ESRRG: variants seen among roughly 807,000 people sequenced by gnomAD.
ESRRG encodes estrogen-related receptor gamma.
Under a neutral mutation model 44.0 loss-of-function variants are expected in ESRRG, and 13 were observed. The observed-to-expected ratio is 0.30, with a 90% CI of 0.19 to 0.47. The LOEUF (loss-of-function observed/expected upper bound fraction) is 0.47, where lower values mean the gene tolerates loss of function less well. Ranked by LOEUF, ESRRG falls within the 20% of genes least tolerant of loss-of-function variation. The pLI is 1.00. For missense variants in ESRRG, 395 were observed against 580.6 expected, an observed-to-expected ratio of 0.68 and a Z score of 3.29; for synonymous variants, 215 against 214.6, an observed-to-expected ratio of 1.00 and a Z score of -0.02.
chr1:216,572,001 T>C (rs2060896555), intron 3 of ESRRG, among the ~76,000 whole-genome samples: 1 of 152,164 alleles, frequency 6.6e-6, no homozygotes. Flanking sequence ...TGATTTTTCA[T>C]CCCCTGTCAA....
chr1:216,509,839 C>G (rs2042204908), intron 6 of ESRRG, among the ~76,000 whole-genome samples: 1 of 152,200 alleles, frequency 6.6e-6, no homozygotes, highest in Admixed American at 6.5e-5. Flanking sequence ...AGCTGGCAGA[C>G]TGCTGAAGAA....
Position 216,505,814 on chromosome 1 carries a change from C to T in ESRRG, c.*1125G>A, listed in dbSNP as rs1435049663. On this transcript the variant is annotated 3_prime_UTR_variant, in exon 7 of 7. Coordinates refer to ENST00000408911, the MANE Select transcript of ESRRG (RefSeq NM_001438.4). Reference sequence around the variant, plus strand: ...TTGCATCCGTGATAATATGCACCTTCCCTTCAACTATTGCTTGAGTAAGTT... The same window carrying T: ...TTGCATCCGTGATAATATGCACCTTTCCTTCAACTATTGCTTGAGTAAGTT... The T allele has an allele frequency of 6.6e-6, 1 of 152,586 alleles. No homozygotes were observed. The highest frequency in any genetic ancestry group is 2.4e-5 in the African/African-American group (1 of 41,434). 9.5% of individuals were successfully genotyped at this position (152,586 alleles called of 1,614,324 possible). A position where few individuals can be genotyped will look rare whatever the true frequency, so the allele number is the denominator to read the frequency against.
chr1:217,064,781 C>T (rs969642285), intron 1 of ESRRG, among the ~76,000 whole-genome samples: 2 of 152,110 alleles, frequency 1.3e-5, no homozygotes. Context: ...ATATGGCTGT[C>T]CTCTGAATCA....
At chr1:216,741,280 T>C (rs2090678464) in intron 2 of ESRRG, among the ~76,000 whole-genome samples, 1 of 147,712 alleles carries the variant, frequency 6.8e-6, no homozygotes, top group Admixed American at 6.8e-5. Flanking sequence ...TATTATATAA[T>C]TTATATTTGT....
At position 216,598,068 on chromosome 1, in the gene ESRRG, G is replaced by A. The variant is rs369534038; in HGVS notation, c.590-29970C>T. On this transcript the variant is annotated intron_variant, in intron 3 of 6. Transcript: ENST00000408911. ...AAATGTATATTGTGGAACATTCACT[G>A]CCCTGAATACTTCATACATATTAAC... Among the ~76,000 whole-genome samples the A allele has an allele frequency of 3.9e-5, 6 of 152,122 alleles. No homozygotes were observed. In the East Asian group the frequency reaches 9.7e-4, roughly 24 times the overall value.
chr1:216,819,403 C>T (rs940438098), intron 2 of ESRRG, among the ~76,000 whole-genome samples: 3 of 152,222 alleles, frequency 2.0e-5, no homozygotes, highest in Non-Finnish European at 2.9e-5. Flanking sequence ...CTTTTTTAAG[C>T]GACTTTCTTT....
At chr1:217,022,090 C>T (rs1050246343) in intron 1 of ESRRG, among the ~76,000 whole-genome samples, 2 of 152,144 alleles carry the variant, frequency 1.3e-5, no homozygotes, top group Non-Finnish European at 2.9e-5. Flanking sequence ...TTACATGAGC[C>T]TGAAGAGGTC....
intron 1 of ESRRG, among the ~76,000 whole-genome samples, chr1:217,080,671 G>GTTTTTTTTTTTTTTTTTTTTTTTT (rs34598045): frequency 3.1e-5 from 2 of 65,246 alleles, no homozygotes; most frequent in Non-Finnish European, 2.8e-5. Context: ...TGTTTTTTTG[G>GTTTTTTTTTTTTTTTTTTTTTTTT]TTTTTTTTTT....
At chr1:216,815,682 G>A (rs927270561) in intron 2 of ESRRG, among the ~76,000 whole-genome samples, 2 of 152,116 alleles carry the variant, frequency 1.3e-5, no homozygotes, top group Non-Finnish European at 2.9e-5. Flanking sequence ...ATTTGTGTTC[G>A]GTTCAGCGCA....
chr1:216,696,707 T>C (rs1226554276), intron 1 of ESRRG, among the ~76,000 whole-genome samples: 2 of 152,212 alleles, frequency 1.3e-5, no homozygotes, highest in East Asian at 1.9e-4. Context: ...TTTCACACCA[T>C]GGAAAACTGG....
At chr1:216,928,271 T>C (rs1038567063) in intron 2 of ESRRG, among the ~76,000 whole-genome samples, 1 of 152,178 alleles carries the variant, frequency 6.6e-6, no homozygotes, top group East Asian at 1.9e-4. Context: ...AACTCCCTTT[T>C]AGCCTCCACT....
intron 2 of ESRRG, among the ~76,000 whole-genome samples, chr1:216,672,548 C>T (rs2075381857): frequency 6.6e-6 from 1 of 152,150 alleles, no homozygotes; most frequent in Non-Finnish European, 1.5e-5. Context: ...ATATTTATTA[C>T]ACACTCGATA....
intron 2 of ESRRG, among the ~76,000 whole-genome samples, chr1:216,818,579 T>C (rs1026040114): frequency 2.0e-5 from 3 of 152,028 alleles, no homozygotes; most frequent in African/African-American, 7.2e-5. Flanking sequence ...TATCTTCCAG[T>C]GGCTGCTGTG....
chr1:217,022,027 A>T (rs1243263761), intron 1 of ESRRG, among the ~76,000 whole-genome samples: 1 of 152,162 alleles, frequency 6.6e-6, no homozygotes, highest in African/African-American at 2.4e-5. Context: ...AAATACAATC[A>T]TTTCCTAAAT....
intron 1 of ESRRG, among the ~76,000 whole-genome samples, chr1:216,968,515 C>A (rs907739325): frequency 6.6e-6 from 1 of 152,042 alleles, no homozygotes; most frequent in Non-Finnish European, 1.5e-5. Context: ...TTGTATTTCC[C>A]CAGCTCCATT....
intron 3 of ESRRG, among the ~76,000 whole-genome samples, chr1:216,581,633 T>C (rs200439380): frequency 4.3e-5 from 1 of 23,078 alleles, no homozygotes; most frequent in Non-Finnish European, 8.1e-5. Flanking sequence ...TGTGTTTAAA[T>C]AAAGAGAGAG....
At chr1:216,521,340 C>G (rs1190551272) in intron 5 of ESRRG, among the ~76,000 whole-genome samples, 1 of 152,014 alleles carries the variant, frequency 6.6e-6, no homozygotes, top group Non-Finnish European at 1.5e-5. Context: ...AAACAGAAAA[C>G]CACACTGCTC....
intron 5 of ESRRG, among the ~76,000 whole-genome samples, chr1:216,552,853 A>C (rs531929924): frequency 7.9e-5 from 12 of 152,170 alleles, no homozygotes; most frequent in Non-Finnish European, 1.5e-4. Context: ...TTAAATAAAC[A>C]ATCATATTTT....
At chr1:216,965,625 CAGTGGCTGACT>C in intron 1 of ESRRG, among the ~76,000 whole-genome samples, 1 of 152,250 alleles carries the variant, frequency 6.6e-6, no homozygotes, top group East Asian at 1.9e-4. Context: ...TCCATCCTCC[CAGTGGCTGACT>C]AGTCTATTAG....
Sources: allele counts gnomAD v4.1 joint callset (sites outside exome capture counted in the v4.1 genomes callset), GRCh38; gene constraint gnomAD v4.1.1; transcripts MANE v1.5; gene names NCBI Gene and HGNC (gene_info 2026-07-23, HGNC 2026-07-21).